The following TTN variants were observed in gnomAD, a reference collection of about 807,000 sequenced individuals.
TTN encodes titin.
TTN carries 1,525 observed loss-of-function variants against 3,223.0 expected under a neutral mutation model. The ratio of observed to expected loss-of-function variants is 0.47; its 90% CI spans 0.45 to 0.49. The LOEUF is 0.49. Ranked by LOEUF, TTN falls within the 20% of genes least tolerant of loss-of-function variation. The pLI is 0.00. For synonymous variants in TTN, 14,094 were observed against 15,161.0 expected, an observed-to-expected ratio of 0.93 and a Z score of 5.17; for missense variants, 40,786 against 43,424.0, an observed-to-expected ratio of 0.94 and a Z score of 5.40.
At chr2:178,605,366 G>A (rs1218658858) in intron 279 of TTN, 48 bp downstream of exon 279, 10 of 1,538,476 alleles carry the variant, frequency 6.5e-6, no homozygotes, top group Non-Finnish European at 8.7e-6. Context: ...TGGGATAAAG[G>A]CACACTGTAA....
intron 139 of TTN, 28 bp from the exon 140 acceptor site, chr2:178,680,083 C>T (rs773785541): frequency 1.2e-6 from 2 of 1,608,458 alleles, no homozygotes; most frequent in South Asian, 2.2e-5. Flanking sequence ...TTAAGTTGGA[C>T]ATTTGCCAAT....
At chr2:178,749,814 C>A (rs372772094) in intron 47 of TTN, 1 of 1,613,018 alleles carries the variant, frequency 6.2e-7, no homozygotes, top group African/African-American at 1.3e-5. Flanking sequence ...AAAAGGACTC[C>A]ATTTTGAAAC....
At chr2:178,735,476 G>A in intron 50 of TTN, 35 bp downstream of exon 50, 1 of 1,506,956 alleles carries the variant, frequency 6.6e-7, no homozygotes, top group Middle Eastern at 2.1e-4. Context: ...TCCTTGCAGA[G>A]AAGGGACTAG....
At position 178,720,934 on chromosome 2, in the gene TTN, C is replaced by A. The variant is rs768936623; in HGVS notation, c.23085G>T (p.Ala7695=). 14 of 1,593,728 alleles carry A rather than the reference C, an allele frequency of 8.8e-6. No homozygotes were observed. Among genetic ancestry groups the A allele is most frequent in the Non-Finnish European group, 1.2e-5 (14 of 1,165,016 alleles). Residue 7695 remains alanine, a synonymous_variant, in exon 79 of 363, where the codon GCG becomes GCT. Coordinates refer to ENST00000589042, the MANE Select transcript of TTN (RefSeq NM_001267550.2). ...NGVGDASCST[A]LTVKAPPVFT... is the part of the protein sequence containing the mutation. The stretch of plus-strand genomic sequence containing the variant: ...AGTGTGTCTAACCTTTCACTGTCAA[C>A]GCTGTGCTGCAGCTGGCGTCACCAA...
Position 178,594,026 on chromosome 2 carries a change from T to C in TTN, c.58367A>G (p.Lys19456Arg). The C allele has an allele frequency of 6.2e-7, 1 of 1,613,584 alleles. No individual in the cohort carries two copies. Among genetic ancestry groups the C allele is most frequent in the Non-Finnish European group, 8.5e-7 (1 of 1,179,648 alleles). ...ACTGTTCTCCACAACCACACAGTAT[T>C]TGCCGGAATCTGAACGTTTGGCCTT... is the stretch of plus-strand genomic sequence containing the variant. ...KIKAKRSDSG[K>R]YCVVVENSTG... Residue 19456 changes from lysine to arginine, a missense_variant, in exon 297 of 363, where the codon AAA (lysine) becomes AGA (arginine). Coordinates refer to ENST00000589042, the MANE Select transcript of TTN (RefSeq NM_001267550.2).
Position 178,582,482 on chromosome 2 carries a change from T to C in TTN, c.65974A>G (p.Ile21992Val). 6.2e-7 allele frequency: 1 copy of C among 1,612,930 alleles called. No homozygotes were observed. The highest frequency in any genetic ancestry group is 8.5e-7 in the Non-Finnish European group (1 of 1,179,344). ...EDGGSEITNY[I>V]VDKRETSRPN... ...CTGCTTGTTTCACGTTTGTCAACAA[T>C]ATAGTTGGTGATTTCTGAGCCTCCA... The change falls in exon 314 of 363, where the codon ATT becomes GTT. Residue 21992 changes from isoleucine to valine, a missense_variant. Transcript: ENST00000589042.
chr2:178,742,235 C>G (rs996132641), intron 47 of TTN, among the ~76,000 whole-genome samples: 1 of 151,926 alleles, frequency 6.6e-6, no homozygotes, highest in Non-Finnish European at 1.5e-5. Flanking sequence ...TGAAAAACTG[C>G]TAATTAAATA....
At chr2:178,758,348 C>A (rs181473200) in intron 44 of TTN, among the ~76,000 whole-genome samples, 12 of 152,254 alleles carry the variant, frequency 7.9e-5, no homozygotes, top group South Asian at 6.2e-4. Flanking sequence ...ACTACATAGA[C>A]TATATTTGCT....
chr2:178,719,146 T>C lies in TTN; in HGVS notation c.24226+18A>G. Reference sequence around the variant, plus strand: ...AAGAGGTGTTAGAGAAGCAGCAGCTTTATCCTTGCACACTGACCTTGCACA... The same window carrying C: ...AAGAGGTGTTAGAGAAGCAGCAGCTCTATCCTTGCACACTGACCTTGCACA... On this transcript the variant is annotated intron_variant, in intron 83 of 362. Coordinates refer to ENST00000589042, the MANE Select transcript of TTN (RefSeq NM_001267550.2). 1 of 1,600,124 alleles carries C rather than the reference T, an allele frequency of 6.2e-7. No individual in the cohort carries two copies.
Position 178,620,408 on chromosome 2 carries a change from G to A in TTN, c.46113C>T (p.Tyr15371=). The change falls in exon 248 of 363, where the codon TAC becomes TAT. Residue 15371 remains tyrosine (Y), a synonymous_variant. Coordinates refer to ENST00000589042, the MANE Select transcript of TTN (RefSeq NM_001267550.2). ...ATTTATCTTGTCCAGCAGTGACAAT[G>A]TATTCACCTTCATCTGGGAAGCCAC... ...KDCGFPDEGE[Y]IVTAGQDKSV... The A allele has an allele frequency of 6.2e-7, 1 of 1,612,266 alleles. No homozygotes were observed. Among genetic ancestry groups the A allele is most frequent in the Non-Finnish European group, 8.5e-7 (1 of 1,178,910 alleles).
At chr2:178,698,181 T>TA (rs1369887986) in intron 112 of TTN, among the ~76,000 whole-genome samples, 15 of 152,150 alleles carry the variant, frequency 9.9e-5, no homozygotes, top group Admixed American at 9.8e-4. Flanking sequence ...GATGTGGAAC[T>TA]AAAAAAGTTG....
In TTN at chr2:178,702,656, T is replaced by A. The variant is rs74324101; in HGVS notation, c.30231A>T (p.Pro10077=). 1.2e-6 allele frequency: 2 copies of A among 1,612,452 alleles called. No individual in the cohort carries two copies. The highest frequency in any genetic ancestry group is 4.5e-5 in the East Asian group (2 of 44,840). Reference sequence around the variant, plus strand: ...TCTGTATGCGCTTTGTAAACTGAATTGGTTCAGCTGTTTAAGTACAAAGAG... The same window carrying A: ...TCTGTATGCGCTTTGTAAACTGAATAGGTTCAGCTGTTTAAGTACAAAGAG... ...TSAELRIEAE[P]IQFTKRIQNI... The change falls in exon 107 of 363, where the codon CCA becomes CCT. Residue 10077 remains proline (P), a synonymous_variant. Coordinates refer to ENST00000589042, the MANE Select transcript of TTN (RefSeq NM_001267550.2).
rs1700219498 is a variant in TTN at position 178,553,642 on chromosome 2, C to T, written c.89363G>A (p.Gly29788Glu). 1 of 1,613,742 alleles carries T rather than the reference C, an allele frequency of 6.2e-7. No homozygotes were observed. Among genetic ancestry groups the T allele is most frequent in the African/African-American group, 1.3e-5 (1 of 74,910 alleles). Residue 29788 changes from glycine (G) to glutamate (E), a missense_variant, in exon 334 of 363, where the codon GGA (glycine) becomes GAA (glutamate). Coordinates refer to ENST00000589042, the MANE Select transcript of TTN (RefSeq NM_001267550.2). ...CACATATTCTGTAGTTCTGACCTCTCCTTTGGTAGAGACAGTAGTCCATTC... is the reference window on the plus strand; with the variant it reads ...CACATATTCTGTAGTTCTGACCTCTTCTTTGGTAGAGACAGTAGTCCATTC... The part of the protein sequence containing the change: ...EEEWTTVSTK[G>E]EVRTTEYVVS...
rs779842816 is a variant in TTN, at chr2:178,679,627, G to C, written c.33636C>G (p.Pro11212=). The C allele has an allele frequency of 6.2e-7, 1 of 1,611,674 alleles. No homozygotes were observed. Among genetic ancestry groups the C allele is most frequent in the South Asian group, 1.1e-5 (1 of 90,602 alleles). ...TTGCCGGTGGAGCTTCCTTCTTCTT[G>C]GGAACAGGAACAGGTTTCTTCTCTT... ...VPEEKKPVPV[P]KKKEAPPAKV... is the part of the protein sequence containing the mutation. The change falls in exon 141 of 363, where the codon CCC becomes CCG. Residue 11212 remains proline, a synonymous_variant. Transcript: ENST00000589042.
Position 178,756,589 on chromosome 2 carries a change from A to T in TTN, c.10887T>A (p.Asp3629Glu). 1 of 1,613,014 alleles carries T rather than the reference A, an allele frequency of 6.2e-7. No homozygotes were observed. The highest frequency in any genetic ancestry group is 8.5e-7 in the Non-Finnish European group (1 of 1,179,366). Residue 3629 changes from aspartate to glutamate, a missense_variant, in exon 46 of 363, where the codon GAT (aspartate) becomes GAA (glutamate). Transcript: ENST00000589042. ...SSIHTAASVQ[D>E]TQLCHTASLS... ...GGGATGCAGTATGGCACAACTGTGT[A>T]TCTTGAACAGATGCAGCTGTGTGGA...
At position 178,563,936 on chromosome 2, in the gene TTN, C is replaced by T; in HGVS notation, c.82196G>A (p.Gly27399Asp). 2.5e-6 allele frequency: 4 copies of T among 1,613,710 alleles called. No homozygotes were observed. The highest frequency in any genetic ancestry group is 3.4e-6 in the Non-Finnish European group (4 of 1,179,740). ...LAWNPPLQDG[G>D]ANISHYIIEK... ...AATGATGTAATGTGAAATATTAGCA[C>T]CACCATCTTGCAAAGGTGGGTTCCA... is the stretch of plus-strand genomic sequence containing the variant. Residue 27399 changes from glycine to aspartate, a missense_variant, in exon 326 of 363, where the codon GGT (glycine) becomes GAT (aspartate). Transcript: ENST00000589042. This position sits in a 1 kb window ranked among gnomAD's most constrained non-coding sequence, Gnocchi z 4.5.
At chr2:178,744,900 T>C (rs2083194033) in intron 47 of TTN, 6 of 985,086 alleles carry the variant, frequency 6.1e-6, no homozygotes, top group Non-Finnish European at 7.2e-6. Flanking sequence ...AGGTGAACCC[T>C]GCCCACAAAG....
intron 265 of TTN, 55 bp downstream of exon 265, chr2:178,612,718 C>T (rs960079526): frequency 1.2e-5 from 18 of 1,561,174 alleles, no homozygotes; most frequent in Non-Finnish European, 1.6e-5. Context: ...CATATCGTAG[C>T]TCACAGGCAG....
intron 92 of TTN, 26 bp downstream of exon 92, chr2:178,713,871 A>T: frequency 3.1e-6 from 5 of 1,606,450 alleles, no homozygotes; most frequent in Non-Finnish European, 4.3e-6. Context: ...ATAATGATGA[A>T]GGAAAAGCCC....
Sources: gnomAD v4.1 joint callset for allele counts (sites outside exome capture counted in the v4.1 genomes callset) on GRCh38, gnomAD v4.1.1 for gene constraint, Gnocchi (gnomAD v3.1) non-coding constraint, MANE v1.5 for transcripts, NCBI Gene and HGNC (gene_info 2026-07-23, HGNC 2026-07-21) for gene names.